The following MYO1H variants were observed in gnomAD, a reference collection of about 807,000 sequenced individuals.
MYO1H encodes the protein myosin IH, also known as unconventional myosin-Ih.
MYO1H carries 118 observed loss-of-function variants against 149.3 expected under a neutral mutation model. That is an observed-to-expected ratio of 0.79 (90% confidence interval 0.68 to 0.92). MYO1H has a LOEUF of 0.92. Among genes scored for constraint, MYO1H ranks in the 40% least tolerant of loss-of-function variants. The probability of loss-of-function intolerance (pLI) is 0.00; values close to 1 mark genes in which losing one functional copy is unlikely to be tolerated. For synonymous variants in MYO1H, 447 were observed against 465.2 expected (o/e 0.96, Z 0.50); for missense variants, 1,212 against 1,280.7 (o/e 0.95, Z 0.82).
At chr12:109,406,822 G>C in exon 9 of MYO1H, 1 of 1,613,664 alleles carries the variant, frequency 6.2e-7, no homozygotes, top group Non-Finnish European at 8.5e-7. Flanking sequence ...CCTTCTGGAA[G>C]CTCTCACCCA....
chr12:109,420,865 T>G, intron 15 of MYO1H, 116 bp from the exon 16 acceptor site: 1 of 700,488 alleles, frequency 1.4e-6, no homozygotes, highest in East Asian at 2.7e-5. Context: ...GTTGAGAAAC[T>G]ATGAGCTAAT....
intron 1 of MYO1H, among the ~76,000 whole-genome samples, chr12:109,370,563 A>G (rs1868960056): frequency 6.6e-6 from 1 of 152,240 alleles, no homozygotes; most frequent in Non-Finnish European, 1.5e-5. Flanking sequence ...CTGCCCAGTT[A>G]CCGGGCTCTG....
intron 24 of MYO1H, 188 bp from the exon 25 acceptor site, chr12:109,440,556 C>T (rs1489147673): frequency 2.3e-5 from 13 of 563,864 alleles, no homozygotes; most frequent in African/African-American, 5.7e-5. Flanking sequence ...GAGAATCATT[C>T]GTTAAGCAAC....
intron 1 of MYO1H, among the ~76,000 whole-genome samples, chr12:109,368,342 G>A (rs1868911181): frequency 6.6e-6 from 1 of 152,070 alleles, no homozygotes; most frequent in African/African-American, 2.4e-5. Context: ...TAAACAATGG[G>A]ACAACTTACA....
At chr12:109,323,114 A>T in the MYO1H span, among the ~76,000 whole-genome samples, 1 of 151,278 alleles carries the variant, frequency 6.6e-6, no homozygotes, top group Non-Finnish European at 1.5e-5. Flanking sequence ...CAAAAACAAA[A>T]AACAATACCC....
chr12:109,328,541 T>A, the MYO1H span, among the ~76,000 whole-genome samples: 2 of 152,152 alleles, frequency 1.3e-5, no homozygotes, highest in Non-Finnish European at 2.9e-5. Flanking sequence ...CACTGTGCAG[T>A]TACAGAATAG....
chr12:109,420,251 C>T (rs2338103), intron 15 of MYO1H, among the ~76,000 whole-genome samples: 27,226 of 152,110 alleles, frequency 0.18, 2,891 homozygotes, highest in African/African-American at 0.29. Context: ...ATTTGTGCCA[C>T]GAGTTCAGTT....
At chr12:109,343,615 C>T (rs2048093491), upstream of MYO1H, among the ~76,000 whole-genome samples, 1 of 152,100 alleles carries the variant, frequency 6.6e-6, no homozygotes, top group Non-Finnish European at 1.5e-5. Context: ...TTAACAGAAT[C>T]GAACGATCAC....
chr12:109,424,197 G>A (rs1871276203), intron 16 of MYO1H, among the ~76,000 whole-genome samples: 1 of 149,218 alleles, frequency 6.7e-6, no homozygotes, highest in Non-Finnish European at 1.5e-5. Context: ...TTCTCAGTCT[G>A]TCACTCAGGC....
intron 4 of MYO1H, among the ~76,000 whole-genome samples, chr12:109,396,887 G>C (rs908398273): frequency 7.6e-6 from 1 of 131,166 alleles, no homozygotes; most frequent in African/African-American, 2.8e-5. Flanking sequence ...GAGTACAGTG[G>C]CACAATCTCG....
At chr12:109,424,074 TTTTA>T (rs1231928381) in intron 16 of MYO1H, among the ~76,000 whole-genome samples, 1 of 152,192 alleles carries the variant, frequency 6.6e-6, no homozygotes, top group East Asian at 1.9e-4. Context: ...CTTTCTTTCT[TTTTA>T]TTTCTCTTTG....
At position 109,393,419 on chromosome 12, in the gene MYO1H, T is replaced by G. The variant is rs1007447401; in HGVS notation, c.263T>G (p.Val88Gly). The G allele has an allele frequency of 1.9e-6, 3 of 1,584,242 alleles. No homozygotes were observed. Among genetic ancestry groups the G allele is most frequent in the Non-Finnish European group, 2.6e-6 (3 of 1,163,928 alleles). The change falls in exon 3 of 32, where the codon GTC becomes GGC. Residue 88 changes from valine (V) to glycine (G), a missense_variant. Val to Gly is a moderately radical substitution (Grantham distance 109). Coordinates refer to ENST00000310903, the Ensembl canonical transcript of MYO1H. The stretch of plus-strand genomic sequence containing the variant: ...AGCCAGATGGAACTTTATCAAGGGG[T>G]CAATTTCTTTGAACTGCCACCACAT...
chr12:109,413,867 G>T (rs61253379), intron 14 of MYO1H, among the ~76,000 whole-genome samples: 1 of 151,664 alleles, frequency 6.6e-6, no homozygotes, highest in Non-Finnish European at 1.5e-5. Context: ...CCGAGATTGC[G>T]CCACTGCACT....
intron 1 of MYO1H, among the ~76,000 whole-genome samples, chr12:109,361,525 G>A (rs12817730): frequency 0.3 from 46,363 of 152,124 alleles, 7,335 homozygotes; most frequent in Admixed American, 0.41. Flanking sequence ...AAACTAGCAG[G>A]CCAGGTGCAG....
At chr12:109,375,243 C>T (rs914955940) in intron 1 of MYO1H, among the ~76,000 whole-genome samples, 2 of 151,354 alleles carry the variant, frequency 1.3e-5, no homozygotes, top group Non-Finnish European at 2.9e-5. Context: ...GCCTCCACCT[C>T]CCAGGCTCAA....
At chr12:109,430,541 A>G (rs1264417564) in intron 19 of MYO1H, among the ~76,000 whole-genome samples, 1 of 152,230 alleles carries the variant, frequency 6.6e-6, no homozygotes, top group Non-Finnish European at 1.5e-5. Context: ...TTCAGGAAGC[A>G]CACATCCTGC....
At position 109,443,050 on chromosome 12, in the gene MYO1H, ATATGTG is replaced by A. The variant is rs1566044720; in HGVS notation, c.2689-461_2689-456del. The stretch of plus-strand genomic sequence containing the variant: ...TATATGTGTGTGTGTGTGTGTGTAT[ATATGTG>A]TACGTATGTGTGTATATATGTGTAC... On this transcript the variant is annotated intron_variant, in intron 27 of 31. Coordinates refer to ENST00000310903, the Ensembl canonical transcript of MYO1H. 7.5e-4 allele frequency among the ~76,000 whole-genome samples: 52 copies of A among 69,608 alleles called. 1 individual carries two copies. Among genetic ancestry groups the A allele is most frequent in the Non-Finnish European group, 1.2e-3 (41 of 33,288 alleles). The allele number at this position is 69,608 out of a possible 152,430, so 45.7% of individuals were successfully genotyped here. A position where few individuals can be genotyped will look rare whatever the true frequency, so the allele number is the denominator to read the frequency against.
intron 19 of MYO1H, 33 bp downstream of exon 19, chr12:109,427,619 G>C (rs1871408007): frequency 7.1e-7 from 1 of 1,404,614 alleles, no homozygotes; most frequent in African/African-American, 1.4e-5. Context: ...GAAGCCAATA[G>C]TCATGTGCCT....
chr12:109,443,081 CGTATGTGT>C lies in MYO1H; in HGVS notation c.2689-428_2689-421del, dbSNP rs1376358071. On this transcript the variant is annotated intron_variant, in intron 27 of 31. Coordinates refer to ENST00000310903, the Ensembl canonical transcript of MYO1H. ...GTACGTATGTGTGTATATATGTGTA[CGTATGTGT>C]GTATATATGTGTACGTATATGTGTG... Among the ~76,000 whole-genome samples the C allele has an allele frequency of 1.8e-3, 70 of 38,542 alleles. 3 individuals are homozygous for C. Among genetic ancestry groups the C allele is most frequent in the Non-Finnish European group, 2.8e-3 (52 of 18,324 alleles). The allele number at this position is 38,542 out of a possible 152,430, so 25.3% of individuals were successfully genotyped here.
Sources: gnomAD v4.1 joint callset for allele counts (sites outside exome capture counted in the v4.1 genomes callset) on GRCh38, gnomAD v4.1.1 for gene constraint, MANE v1.5 for transcripts, NCBI Gene and HGNC (gene_info 2026-07-23, HGNC 2026-07-21) for gene names.